Variants in AOPEP observed in about 807,000 individuals in gnomAD.
The protein encoded by AOPEP is aminopeptidase O (putative), also known as aminopeptidase O.
Under a neutral mutation model 98.1 loss-of-function variants are expected in AOPEP, and 77 were observed. That is an observed-to-expected ratio of 0.78 (90% CI 0.65 to 0.95). The LOEUF (loss-of-function observed/expected upper bound fraction) is 0.95, where lower values mean the gene tolerates loss of function less well. Among genes scored for constraint, AOPEP ranks in the 40% least tolerant of loss-of-function variants. AOPEP has a pLI of 0.00. For missense variants in AOPEP, 1,024 were observed against 1,024.7 expected (o/e 1.00, Z 0.01); for synonymous variants, 346 against 365.3 (o/e 0.95, Z 0.60).
intron 13 of AOPEP, among the ~76,000 whole-genome samples, chr9:95,018,673 C>T (rs968905361): frequency 2.0e-5 from 3 of 152,220 alleles, no homozygotes; most frequent in African/African-American, 7.2e-5. Flanking sequence ...TGACATGCAG[C>T]TTGTTTTCTG....
intron 13 of AOPEP, among the ~76,000 whole-genome samples, chr9:95,043,251 T>TATATATATACAGATATATACAG (rs1554814052): frequency 7.3e-4 from 108 of 147,672 alleles, no homozygotes; most frequent in Non-Finnish European, 1.4e-3. Flanking sequence ...TATATACAGA[T>TATATATATACAGATATATACAG]ATATATATAC....
At chr9:95,090,452 G>T (rs1490312422), downstream of AOPEP, among the ~76,000 whole-genome samples, 13 of 152,214 alleles carry the variant, frequency 8.5e-5, no homozygotes, top group Admixed American at 3.3e-4. Flanking sequence ...CTGAACACAG[G>T]CTGCGCCAAC....
At chr9:95,013,228 G>A (rs1270360349) in intron 13 of AOPEP, among the ~76,000 whole-genome samples, 2 of 151,774 alleles carry the variant, frequency 1.3e-5, no homozygotes, top group African/African-American at 2.4e-5. Flanking sequence ...TTTTTTAAAA[G>A]TATTATCCTT....
the AOPEP span, among the ~76,000 whole-genome samples, chr9:95,107,834 G>A: frequency 6.6e-6 from 1 of 152,118 alleles, no homozygotes; most frequent in South Asian, 2.1e-4. Flanking sequence ...GGAACAATCT[G>A]TTCATACGTG....
rs189148942 is a variant in AOPEP, at chr9:94,792,728, A to C, written c.965-37A>C. 4 of 1,544,918 alleles carry C rather than the reference A, an allele frequency of 2.6e-6. No homozygotes were observed. The Admixed American group carries it at 7.5e-5, about 29-fold the overall frequency. On this transcript the variant is annotated intron_variant, in intron 3 of 16. Transcript: ENST00000375315. Reference sequence around the variant, plus strand: ...TATACAGCAGAGCCCAGGATCATATATTGGCCTCATTATGGTTTTTCTCTT... The same window carrying C: ...TATACAGCAGAGCCCAGGATCATATCTTGGCCTCATTATGGTTTTTCTCTT...
intron 5 of AOPEP, chr9:94,900,844 A>G (rs1370610412): frequency 6.6e-6 from 1 of 152,212 alleles, no homozygotes; most frequent in Admixed American, 6.5e-5. Context: ...CTGGGAACTG[A>G]CTTTAAACAA....
the AOPEP span, among the ~76,000 whole-genome samples, chr9:95,113,471 C>G: frequency 6.6e-6 from 1 of 152,042 alleles, no homozygotes; most frequent in African/African-American, 2.4e-5. Context: ...GAAAATCACA[C>G]ACATAAGAGG....
chr9:94,917,449 G>C (rs1222998731), intron 5 of AOPEP, among the ~76,000 whole-genome samples: 1 of 152,142 alleles, frequency 6.6e-6, no homozygotes, highest in African/African-American at 2.4e-5. Flanking sequence ...CTCCTCCCCA[G>C]TGTCGTCTGT....
intron 7 of AOPEP, among the ~76,000 whole-genome samples, chr9:94,949,034 G>T (rs1432024607): frequency 1.3e-5 from 2 of 152,180 alleles, no homozygotes; most frequent in African/African-American, 4.8e-5. Context: ...AGCAGAAACT[G>T]CCTGTGCAGT....
chr9:95,118,149 G>A, the AOPEP span, among the ~76,000 whole-genome samples: 4 of 152,058 alleles, frequency 2.6e-5, no homozygotes, highest in Non-Finnish European at 5.9e-5. Context: ...CTCCTGAGTA[G>A]CCGGGATTAC....
At chr9:95,071,561 C>T in intron 14 of AOPEP, among the ~76,000 whole-genome samples, 1 of 152,098 alleles carries the variant, frequency 6.6e-6, no homozygotes, top group Non-Finnish European at 1.5e-5. Context: ...CGAGCATGCA[C>T]CAAACTGAAT....
intron 5 of AOPEP, among the ~76,000 whole-genome samples, chr9:94,835,658 T>A (rs941079422): frequency 2.0e-5 from 3 of 152,240 alleles, no homozygotes; most frequent in African/African-American, 7.2e-5. Flanking sequence ...TCTTTCTGTT[T>A]AAACCAGACC....
At chr9:94,742,560 G>T (rs1286393363) in intron 1 of AOPEP, among the ~76,000 whole-genome samples, 1 of 151,440 alleles carries the variant, frequency 6.6e-6, no homozygotes, top group Non-Finnish European at 1.5e-5. Context: ...TCAGCCTCCC[G>T]AGTAGCTGGG....
At chr9:94,744,752 G>A (rs1457733346) in intron 1 of AOPEP, among the ~76,000 whole-genome samples, 2 of 147,000 alleles carry the variant, frequency 1.4e-5, no homozygotes, top group Non-Finnish European at 3.0e-5. Flanking sequence ...TTGGATTTAC[G>A]ATAAAATTAT....
intron 5 of AOPEP, among the ~76,000 whole-genome samples, chr9:94,864,479 G>A (rs983795732): frequency 2.0e-4 from 31 of 152,158 alleles, no homozygotes; most frequent in Non-Finnish European, 4.1e-4. Flanking sequence ...TTGCTTTGCT[G>A]GACCATTCAT....
intron 16 of AOPEP, 148 bp from the exon 17 acceptor site, chr9:95,086,534 C>T (rs747999432): frequency 8.8e-5 from 89 of 1,011,382 alleles, no homozygotes; most frequent in South Asian, 6.7e-4. Context: ...TGACCCGTCC[C>T]GGAGACTGAA....
intron 13 of AOPEP, among the ~76,000 whole-genome samples, chr9:95,045,518 C>G (rs534899778): frequency 1.0e-3 from 155 of 152,346 alleles, no homozygotes; most frequent in African/African-American, 3.7e-3. Context: ...CCGGTCTTCC[C>G]GCACCTTCCA....
chr9:94,981,019 G>C (rs1458799505), intron 11 of AOPEP, among the ~76,000 whole-genome samples: 2 of 152,200 alleles, frequency 1.3e-5, no homozygotes, highest in Non-Finnish European at 2.9e-5. Flanking sequence ...CCAGTAACTG[G>C]CTCCCAAATT....
intron 11 of AOPEP, among the ~76,000 whole-genome samples, chr9:95,000,796 C>T (rs532208850): frequency 1.2e-4 from 19 of 152,224 alleles, no homozygotes; most frequent in African/African-American, 3.9e-4. Flanking sequence ...GAAACTTAAT[C>T]CAACCTTGAT....
Sources: gnomAD v4.1 joint callset for allele counts (sites outside exome capture counted in the v4.1 genomes callset) on GRCh38, gnomAD v4.1.1 for gene constraint, MANE v1.5 for transcripts, NCBI Gene and HGNC (gene_info 2026-07-23, HGNC 2026-07-21) for gene names.